PGPEP1L: variants seen among roughly 807,000 people sequenced by gnomAD.
The protein encoded by PGPEP1L is pyroglutamyl-peptidase 1-like protein.
Under a neutral mutation model 6.0 loss-of-function variants are expected in PGPEP1L, and 7 were observed. The observed-to-expected ratio is 1.17, with a 90% CI of 0.66 to 2.19. The LOEUF is 2.19. Ranked by LOEUF, PGPEP1L falls within the 30% of genes most tolerant of loss-of-function variation. PGPEP1L has a pLI of 0.00. For missense variants in PGPEP1L, 209 were observed against 192.5 expected, an observed-to-expected ratio of 1.09 and a Z score of -0.51; for synonymous variants, 103 against 83.9, an observed-to-expected ratio of 1.23 and a Z score of -1.24.
intron 2 of PGPEP1L, among the ~76,000 whole-genome samples, chr15:98,995,228 G>A (rs952525411): frequency 3.9e-5 from 6 of 151,984 alleles, no homozygotes; most frequent in African/African-American, 1.5e-4. Flanking sequence ...TCTTCTTTCT[G>A]TATCTCCTTA....
intron 2 of PGPEP1L, among the ~76,000 whole-genome samples, chr15:98,988,682 C>T (rs1190120417): frequency 4.0e-5 from 6 of 151,686 alleles, no homozygotes; most frequent in South Asian, 2.1e-4. Context: ...TGACCCCCCA[C>T]GTATCCTGAC....
chr15:98,987,491 G>A (rs1363114924), intron 2 of PGPEP1L, among the ~76,000 whole-genome samples: 1 of 152,124 alleles, frequency 6.6e-6, no homozygotes, highest in African/African-American at 2.4e-5. Context: ...GGTGGTGGTG[G>A]GGTTGTGGTG....
intron 2 of PGPEP1L, among the ~76,000 whole-genome samples, chr15:98,999,631 T>C (rs1032061263): frequency 6.6e-6 from 1 of 152,248 alleles, no homozygotes; most frequent in African/African-American, 2.4e-5. Context: ...AAAACGTTCA[T>C]AGAAGCTTTA....
Position 98,969,643 on chromosome 15 carries a change from C to T in PGPEP1L, c.-10G>A, listed in dbSNP as rs753694603. On this transcript the variant is annotated 5_prime_UTR_variant, in exon 4 of 5. Coordinates refer to ENST00000535714, the MANE Select transcript of PGPEP1L (RefSeq NM_001167902.2). Reference sequence around the variant, plus strand: ...TGGCGGCGGTGTCCATGCCCACATGCACGACGAGCTGTGTGAACGGGTAAC... The same window carrying T: ...TGGCGGCGGTGTCCATGCCCACATGTACGACGAGCTGTGTGAACGGGTAAC... 6.2e-7 allele frequency: 1 copy of T among 1,611,152 alleles called. No individual in the cohort carries two copies. The highest frequency in any genetic ancestry group is 2.2e-5 in the East Asian group (1 of 44,866).
intron 2 of PGPEP1L, among the ~76,000 whole-genome samples, chr15:98,994,680 AT>A (rs1367451256): frequency 6.6e-6 from 1 of 152,168 alleles, no homozygotes; most frequent in Non-Finnish European, 1.5e-5. Flanking sequence ...CCCTCCTTGC[AT>A]TTCACACTGT....
chr15:98,979,045 A>T lies in PGPEP1L; in HGVS notation c.-141-7887T>A, dbSNP rs1012930738. 2.7e-3 allele frequency among the ~76,000 whole-genome samples: 410 copies of T among 151,180 alleles called. 7 individuals carry two copies. Among genetic ancestry groups the T allele is most frequent in the African/African-American group, 8.6e-3 (350 of 40,834 alleles). ...GCCTGGCTACAGGATATATATATATATATATTTTTATTACATTTATGGCAG... is the reference window on the plus strand; with the variant it reads ...GCCTGGCTACAGGATATATATATATTTATATTTTTATTACATTTATGGCAG... On this transcript the variant is annotated intron_variant, in intron 2 of 4. Transcript: ENST00000535714.
chr15:98,999,642 T>C (rs1247747104), intron 2 of PGPEP1L, among the ~76,000 whole-genome samples: 1 of 152,232 alleles, frequency 6.6e-6, no homozygotes, highest in Admixed American at 6.5e-5. Context: ...AGAAGCTTTA[T>C]TTGTAATAGA....
rs773854296 is a variant in PGPEP1L, at chr15:98,968,603, C to A, written c.304G>T (p.Ala102Ser). ...HVPPLSRGLP[A>S]SLLGRALRVI... ...CTCAAGGCTCTTCCCAGCAGGCTGG[C>A]CGGGAGCCCGCGCGATAGTGGAGGG... Residue 102 changes from alanine to serine, a missense_variant, in exon 5 of 5, where the codon GCC becomes TCC. Ala to Ser is a moderately conservative substitution (Grantham distance 99, BLOSUM62 1). Transcript: ENST00000535714. The A allele has an allele frequency of 6.2e-7, 1 of 1,609,004 alleles. No individual in the cohort carries two copies. The highest frequency in any genetic ancestry group is 2.2e-5 in the East Asian group (1 of 44,730).
intron 2 of PGPEP1L, among the ~76,000 whole-genome samples, chr15:98,974,386 AAT>A: frequency 6.6e-6 from 1 of 151,648 alleles, no homozygotes; most frequent in Admixed American, 6.6e-5. Context: ...CTCAAAAAAA[AAT>A]AAAAATAAAA....
rs75887670 is a variant in PGPEP1L at position 98,981,813 on chromosome 15, G to A, written c.-141-10655C>T. ...TCACAACTTTTCTGTACATATAAAC[G>A]TATTTTTAAATAAAAAGTTTGTCTA... On this transcript the variant is annotated intron_variant, in intron 2 of 4. Coordinates refer to ENST00000535714, the MANE Select transcript of PGPEP1L (RefSeq NM_001167902.2). Among the ~76,000 whole-genome samples the A allele has an allele frequency of 3.8e-3, 579 of 152,246 alleles. 8 individuals carry two copies. The highest frequency in any genetic ancestry group is 0.013 in the African/African-American group (543 of 41,550).
In PGPEP1L at chr15:98,969,411, C is replaced by T. The variant is rs1008800646; in HGVS notation, c.209+14G>A. 1.9e-6 allele frequency: 3 copies of T among 1,613,766 alleles called. No homozygotes were observed. The highest frequency in any genetic ancestry group is 1.3e-5 in the African/African-American group (1 of 75,052). On this transcript the variant is annotated intron_variant, in intron 4 of 4. Transcript: ENST00000535714. ...CTCCTACCTGCTCAGAGTCCTGACA[C>T]CCACAGAGCATACCTGCCTGCATCT...
At chr15:99,006,014 T>C (rs2018052634) in intron 1 of PGPEP1L, among the ~76,000 whole-genome samples, 1 of 152,196 alleles carries the variant, frequency 6.6e-6, no homozygotes. Flanking sequence ...TGAAAACTAA[T>C]TCCACAAAAT....
At chr15:98,996,521 GGTATGTGTGT>G (rs1375107015) in intron 2 of PGPEP1L, among the ~76,000 whole-genome samples, 96 of 11,946 alleles carry the variant, frequency 8.0e-3, no homozygotes, top group Middle Eastern at 0.042. Flanking sequence ...TGTATATAGG[GGTATGTGTGT>G]GTGTGTGTGT....
chr15:98,999,919 C>A (rs2017936835), intron 2 of PGPEP1L, among the ~76,000 whole-genome samples: 3 of 152,390 alleles, frequency 2.0e-5, no homozygotes, highest in Middle Eastern at 3.4e-3. Context: ...ACTCTCAGCC[C>A]CTCCTGTGCC....
chr15:99,005,492 TC>T lies in PGPEP1L; in HGVS notation c.-206del, dbSNP rs1555473508. The stretch of plus-strand genomic sequence containing the variant: ...ACGAAGTGGGAGCTCGCGCTGCGCC[TC>T]CCTGGCTCAGGCAGCGGCCCAGCGG... On this transcript the variant is annotated 5_prime_UTR_variant, in exon 2 of 5. The change creates a premature stop within an existing upstream ORF in the 5' untranslated region. Coordinates refer to ENST00000535714, the MANE Select transcript of PGPEP1L (RefSeq NM_001167902.2). 6.6e-6 allele frequency: 1 copy of T among 152,448 alleles called. No homozygotes were observed. The highest frequency in any genetic ancestry group is 6.5e-5 in the Admixed American group (1 of 15,290). 9.4% of individuals were successfully genotyped at this position (152,448 alleles called of 1,614,324 possible). A position where few individuals can be genotyped will look rare whatever the true frequency, so the allele number is the denominator to read the frequency against.
chr15:99,000,018 C>CAGCTCT (rs2017938266), intron 2 of PGPEP1L, among the ~76,000 whole-genome samples: 1 of 152,248 alleles, frequency 6.6e-6, no homozygotes, highest in South Asian at 2.1e-4. Flanking sequence ...AGGCCAGCGC[C>CAGCTCT]AGCTCTCTCA....
chr15:99,007,637 T>C lies in PGPEP1L; in HGVS notation c.-648A>G, dbSNP rs1204198779. On this transcript the variant is annotated 5_prime_UTR_variant, in exon 1 of 5. Transcript: ENST00000535714. ...CGTTTCTCCCGGTGGGTCCGTGATG[T>C]GGCTGGCTTTAAGAACGAAGCTGCA... 2.0e-5 allele frequency: 3 copies of C among 152,066 alleles called. No individual in the cohort carries two copies. The highest frequency in any genetic ancestry group is 4.4e-5 in the Non-Finnish European group (3 of 68,082). 9.4% of individuals were successfully genotyped at this position (152,066 alleles called of 1,614,324 possible). A position where few individuals can be genotyped will look rare whatever the true frequency, so the allele number is the denominator to read the frequency against.
intron 2 of PGPEP1L, among the ~76,000 whole-genome samples, chr15:98,972,766 G>A (rs886410200): frequency 6.6e-6 from 1 of 151,378 alleles, no homozygotes; most frequent in African/African-American, 2.4e-5. Flanking sequence ...AGCTACTCGG[G>A]AGGCTGAGGC....
chr15:99,004,959 A>G (rs2018028466), intron 2 of PGPEP1L, among the ~76,000 whole-genome samples: 1 of 151,440 alleles, frequency 6.6e-6, no homozygotes, highest in Non-Finnish European at 1.5e-5. Context: ...GGAAGTGGGG[A>G]CTGTGTGTTC....
Sources: allele counts gnomAD v4.1 joint callset (sites outside exome capture counted in the v4.1 genomes callset), GRCh38; gene constraint gnomAD v4.1.1; transcripts MANE v1.5; gene names NCBI Gene and HGNC (gene_info 2026-07-23, HGNC 2026-07-21).